Variants in GRIA1 observed in about 807,000 individuals in gnomAD.
The protein encoded by GRIA1 is glutamate receptor 1.
In GRIA1, 31 loss-of-function variants were observed where a neutral mutation model predicts 99.2. The ratio of observed to expected loss-of-function variants is 0.31; its 90% CI spans 0.23 to 0.42. The LOEUF is 0.42. Ranked by LOEUF, GRIA1 falls within the 10% of genes least tolerant of loss-of-function variation. GRIA1 has a pLI of 1.00. For missense variants in GRIA1, 782 were observed against 1,157.5 expected (o/e 0.68, Z 4.71); for synonymous variants, 438 against 432.4 (o/e 1.01, Z -0.16).
intron 2 of GRIA1, among the ~76,000 whole-genome samples, chr5:153,566,557 C>T (rs1056406899): frequency 8.6e-5 from 13 of 151,246 alleles, no homozygotes; most frequent in East Asian, 7.9e-4. Flanking sequence ...CTGCCTGCCT[C>T]GACCTCCCAA....
rs192297324 is a variant in GRIA1 at position 153,738,872 on chromosome 5, A to G, written c.1824-25562A>G. Among the ~76,000 whole-genome samples the G allele has an allele frequency of 8.5e-3, 1,294 of 151,604 alleles. 7 individuals carry two copies. Among genetic ancestry groups the G allele is most frequent in the South Asian group, 0.014 (66 of 4,776 alleles). Reference sequence around the variant, plus strand: ...CAAGTAGCTGGGATTACAGGCATGCACCACCACGTCCGGCTAATTTTGTAT... The same window carrying G: ...CAAGTAGCTGGGATTACAGGCATGCGCCACCACGTCCGGCTAATTTTGTAT... On this transcript the variant is annotated intron_variant, in intron 11 of 15. Coordinates refer to ENST00000285900, the MANE Select transcript of GRIA1 (RefSeq NM_000827.4).
intron 2 of GRIA1, among the ~76,000 whole-genome samples, chr5:153,536,694 C>T (rs1044070981): frequency 3.3e-5 from 5 of 152,166 alleles, no homozygotes; most frequent in African/African-American, 9.7e-5. Context: ...GGAGAAAAAC[C>T]TTAACTTTTG....
At chr5:153,767,074 T>C (rs1187427264) in intron 12 of GRIA1, among the ~76,000 whole-genome samples, 4 of 152,048 alleles carry the variant, frequency 2.6e-5, no homozygotes, top group Non-Finnish European at 4.4e-5. Context: ...TATCAGTGTC[T>C]CTCATGTATA....
chr5:153,798,114 T>C (rs745746648), intron 14 of GRIA1, among the ~76,000 whole-genome samples: 1 of 152,202 alleles, frequency 6.6e-6, no homozygotes, highest in African/African-American at 2.4e-5. Flanking sequence ...AATGTGTTCA[T>C]GTTTGAGGAA....
intron 7 of GRIA1, among the ~76,000 whole-genome samples, chr5:153,679,086 C>T (rs568318178): frequency 6.6e-6 from 1 of 152,196 alleles, no homozygotes; most frequent in Non-Finnish European, 1.5e-5. Context: ...GTCAAAAGAA[C>T]AATGACCTCT....
intron 2 of GRIA1, among the ~76,000 whole-genome samples, chr5:153,535,631 G>A (rs947501151): frequency 1.3e-5 from 2 of 152,174 alleles, no homozygotes; most frequent in African/African-American, 2.4e-5. Flanking sequence ...TCTCAAGTTG[G>A]CACTATTAGG....
chr5:153,595,311 ACT>A (rs1247047355), intron 2 of GRIA1, among the ~76,000 whole-genome samples: 2 of 151,974 alleles, frequency 1.3e-5, no homozygotes, highest in Non-Finnish European at 2.9e-5. Context: ...GTTCCCAAAT[ACT>A]CTGTGCTCCA....
chr5:153,773,403 A>C (rs1007680608), intron 13 of GRIA1, among the ~76,000 whole-genome samples: 1 of 152,150 alleles, frequency 6.6e-6, no homozygotes, highest in Non-Finnish European at 1.5e-5. Flanking sequence ...GCACCTATTC[A>C]CATGAGCCAA....
intron 14 of GRIA1, among the ~76,000 whole-genome samples, chr5:153,800,937 A>G (rs1765977991): frequency 6.6e-6 from 1 of 152,224 alleles, no homozygotes; most frequent in Admixed American, 6.5e-5. Flanking sequence ...GCCACATCCT[A>G]TCCTATGCCA....
intron 8 of GRIA1, among the ~76,000 whole-genome samples, chr5:153,690,269 A>C (rs2149502087): frequency 6.7e-6 from 1 of 150,306 alleles, no homozygotes; most frequent in South Asian, 2.1e-4. Flanking sequence ...AATATAATAT[A>C]ATATAATATA....
At chr5:153,508,740 A>C (rs1041558342) in intron 2 of GRIA1, among the ~76,000 whole-genome samples, 3 of 152,230 alleles carry the variant, frequency 2.0e-5, no homozygotes, top group Admixed American at 6.5e-5. Context: ...TTTTTGCTGC[A>C]TAACAAATAA....
intron 5 of GRIA1, among the ~76,000 whole-genome samples, chr5:153,657,341 C>A (rs898326392): frequency 6.6e-6 from 1 of 152,274 alleles, no homozygotes; most frequent in East Asian, 1.9e-4. Context: ...TGAATGATGG[C>A]AAGTGTCTCT....
At chr5:153,716,999 C>A (rs1476381685) in intron 11 of GRIA1, among the ~76,000 whole-genome samples, 1 of 152,124 alleles carries the variant, frequency 6.6e-6, no homozygotes, top group South Asian at 2.1e-4. Flanking sequence ...GCCCATCATG[C>A]CAAAGGAACA....
At chr5:153,638,211 G>T (rs1753526560) in intron 2 of GRIA1, among the ~76,000 whole-genome samples, 1 of 152,106 alleles carries the variant, frequency 6.6e-6, no homozygotes, top group East Asian at 1.9e-4. Flanking sequence ...CTTTATGAGG[G>T]CAAAGGCATC....
chr5:153,721,717 A>G (rs1262413751), intron 11 of GRIA1, among the ~76,000 whole-genome samples: 1 of 152,126 alleles, frequency 6.6e-6, no homozygotes, highest in African/African-American at 2.4e-5. Context: ...TCATTATTTT[A>G]TAGTATTCCA....
intron 13 of GRIA1, among the ~76,000 whole-genome samples, chr5:153,771,200 T>G (rs753559068): frequency 5.3e-5 from 8 of 152,200 alleles, no homozygotes; most frequent in Non-Finnish European, 7.3e-5. Flanking sequence ...GAAGTGGTTG[T>G]GAGTTCAAAT....
In GRIA1 at chr5:153,745,608, A is replaced by AAAAAG. The variant is rs1181120091; in HGVS notation, c.1824-18816_1824-18812dup. Among the ~76,000 whole-genome samples the AAAAAG allele has an allele frequency of 1.5e-3, 216 of 139,882 alleles. 2 individuals are homozygous for AAAAAG. The highest frequency in any genetic ancestry group is 0.011 in the Middle Eastern group (3 of 266). 91.8% of individuals were successfully genotyped at this position (139,882 alleles called of 152,430 possible). A position where few individuals can be genotyped will look rare whatever the true frequency, so the allele number is the denominator to read the frequency against. ...CTGTCTCAAAAAAAAAAAAAAAAAA[A>AAAAAG]AAAAGAAAAGAAAAAGAAATTATAG... On this transcript the variant is annotated intron_variant, in intron 11 of 15. Transcript: ENST00000285900.
At chr5:153,654,492 T>A (rs950836076) in intron 4 of GRIA1, among the ~76,000 whole-genome samples, 4 of 152,082 alleles carry the variant, frequency 2.6e-5, no homozygotes, top group Admixed American at 2.6e-4. Flanking sequence ...AGCAAACCAT[T>A]TGACAAGCAG....
chr5:153,683,120 G>C (rs1259666326), intron 7 of GRIA1, among the ~76,000 whole-genome samples: 1 of 152,172 alleles, frequency 6.6e-6, no homozygotes. Context: ...AGGGATAAGT[G>C]CCCAGATCCC....
Sources: gnomAD v4.1 joint callset for allele counts (sites outside exome capture counted in the v4.1 genomes callset) on GRCh38, gnomAD v4.1.1 for gene constraint, MANE v1.5 for transcripts, NCBI Gene and HGNC (gene_info 2026-07-23, HGNC 2026-07-21) for gene names.